TMTC1: variants seen among roughly 807,000 people sequenced by gnomAD.
TMTC1 encodes transmembrane O-mannosyltransferase targeting cadherins 1.
TMTC1 carries 73 observed loss-of-function variants against 104.8 expected under a neutral mutation model. The ratio of observed to expected loss-of-function variants is 0.70; its 90% CI spans 0.58 to 0.85. The LOEUF is 0.85. Ranked by LOEUF, TMTC1 falls within the 40% of genes least tolerant of loss-of-function variation. The pLI is 0.00. For missense variants in TMTC1, 1,035 were observed against 1,096.1 expected (o/e 0.94, Z 0.79); for synonymous variants, 434 against 428.7 (o/e 1.01, Z -0.15).
intron 5 of TMTC1, among the ~76,000 whole-genome samples, chr12:29,648,033 C>T (rs529219432): frequency 4.6e-5 from 7 of 152,272 alleles, no homozygotes; most frequent in Admixed American, 1.3e-4. Context: ...TTGTTTTTAT[C>T]CTTAATCCCA....
At chr12:29,566,019 C>T (rs1250813100) in intron 9 of TMTC1, among the ~76,000 whole-genome samples, 1 of 152,112 alleles carries the variant, frequency 6.6e-6, no homozygotes, top group Non-Finnish European at 1.5e-5. Context: ...ACACAATTAA[C>T]AAAACGATAG....
chr12:29,520,850 G>A, intron 11 of TMTC1, 130 bp from the exon 12 acceptor site: 1 of 668,796 alleles, frequency 1.5e-6, no homozygotes, highest in Non-Finnish European at 2.5e-6. Flanking sequence ...ACAGGCTACT[G>A]AGATAAGGCA....
chr12:29,671,029 T>TC (rs1940491255), intron 5 of TMTC1, among the ~76,000 whole-genome samples: 2 of 128,740 alleles, frequency 1.6e-5, no homozygotes, highest in Non-Finnish European at 3.2e-5. Context: ...CGCAGTGGCT[T>TC]ACGCCTGTAA....
chr12:29,689,942 T>C lies in TMTC1; in HGVS notation c.939-56606A>G, dbSNP rs969672887. Among the ~76,000 whole-genome samples, 6 of 152,328 alleles carry C rather than the reference T, an allele frequency of 3.9e-5. No individual in the cohort carries two copies. In the East Asian group the frequency reaches 5.8e-4, roughly 15 times the overall value. On this transcript the variant is annotated intron_variant, in intron 5 of 17. Transcript: ENST00000539277. Reference sequence around the variant, plus strand: ...TTCCTGATTATTACAAGGTAGATCATTGCATATTTGACCAAGCCCTGTTAC... The same window carrying C: ...TTCCTGATTATTACAAGGTAGATCACTGCATATTTGACCAAGCCCTGTTAC...
chr12:29,705,260 A>T (rs1434579164), intron 5 of TMTC1, among the ~76,000 whole-genome samples: 3 of 152,130 alleles, frequency 2.0e-5, no homozygotes, highest in Non-Finnish European at 4.4e-5. Flanking sequence ...AACTTGGGGA[A>T]CTCTTCTCTA....
At chr12:29,771,982 G>T (rs982544173) in intron 1 of TMTC1, among the ~76,000 whole-genome samples, 2 of 152,124 alleles carry the variant, frequency 1.3e-5, no homozygotes, top group Non-Finnish European at 1.5e-5. Context: ...TCAGATGAAT[G>T]AATAAACATG....
chr12:29,557,211 T>C (rs299480), intron 9 of TMTC1, among the ~76,000 whole-genome samples: 110,994 of 152,162 alleles, frequency 0.73, 45,131 homozygotes, highest in East Asian at 0.92. Flanking sequence ...TATAATTAAA[T>C]AATTCTTAAA....
chr12:29,765,590 A>G (rs1943444475), intron 2 of TMTC1, among the ~76,000 whole-genome samples: 1 of 152,144 alleles, frequency 6.6e-6, no homozygotes, highest in Non-Finnish European at 1.5e-5. Flanking sequence ...TTAAAATTTA[A>G]ATTTTGTATT....
At chr12:29,581,272 G>A (rs1945972401) in intron 8 of TMTC1, among the ~76,000 whole-genome samples, 1 of 152,166 alleles carries the variant, frequency 6.6e-6, no homozygotes, top group Non-Finnish European at 1.5e-5. Flanking sequence ...TTCTGGCCTT[G>A]AAGGAAAAAG....
intron 6 of TMTC1, chr12:29,609,921 C>T (rs976224710): frequency 2.0e-5 from 3 of 152,406 alleles, no homozygotes; most frequent in Admixed American, 1.3e-4. Flanking sequence ...AGTAGCCGGT[C>T]TCGCCTATCT....
intron 5 of TMTC1, among the ~76,000 whole-genome samples, chr12:29,643,825 ATATT>A (rs1480297097): frequency 5.5e-5 from 4 of 72,470 alleles, no homozygotes; most frequent in East Asian, 3.3e-4. Context: ...ATATATTTAT[ATATT>A]TATATATATT....
At chr12:29,547,416 G>T (rs1378992625) in intron 10 of TMTC1, among the ~76,000 whole-genome samples, 1 of 152,116 alleles carries the variant, frequency 6.6e-6, no homozygotes, top group Non-Finnish European at 1.5e-5. Context: ...AGGGGAGAGG[G>T]ACTCACAAAA....
chr12:29,762,679 T>C (rs184109207), intron 2 of TMTC1, among the ~76,000 whole-genome samples: 17 of 152,360 alleles, frequency 1.1e-4, no homozygotes, highest in Middle Eastern at 3.4e-3. Flanking sequence ...CTGAAAGCTA[T>C]TACCTGACGT....
At chr12:29,557,073 T>C in intron 9 of TMTC1, 73 bp from the exon 10 acceptor site, 1 of 1,547,362 alleles carries the variant, frequency 6.5e-7, no homozygotes, top group Non-Finnish European at 8.8e-7. Context: ...TTGTTCTTCT[T>C]CCCCCAAGTA....
chr12:29,740,857 C>A (rs1300330088), intron 5 of TMTC1, among the ~76,000 whole-genome samples: 1 of 152,168 alleles, frequency 6.6e-6, no homozygotes, highest in Middle Eastern at 3.4e-3. Context: ...CCCAGAGAGG[C>A]AAAAATATAA....
At chr12:29,761,110 TATAAC>T (rs1943339259) in intron 2 of TMTC1, among the ~76,000 whole-genome samples, 1 of 148,328 alleles carries the variant, frequency 6.7e-6, no homozygotes, top group Non-Finnish European at 1.5e-5. Context: ...TATATTGCAA[TATAAC>T]ATGTTTTCTT....
At chr12:29,732,300 A>G (rs1942564764) in intron 5 of TMTC1, among the ~76,000 whole-genome samples, 1 of 152,212 alleles carries the variant, frequency 6.6e-6, no homozygotes, top group Non-Finnish European at 1.5e-5. Flanking sequence ...GAAAAGGTGA[A>G]AGTACAGAGG....
intron 1 of TMTC1, among the ~76,000 whole-genome samples, chr12:29,776,893 T>C (rs1943721886): frequency 1.3e-5 from 2 of 152,152 alleles, no homozygotes; most frequent in South Asian, 2.1e-4. Flanking sequence ...AGGCCTTTGG[T>C]AGCAGTGGGT....
intron 5 of TMTC1, among the ~76,000 whole-genome samples, chr12:29,748,350 G>A (rs577584177): frequency 1.3e-4 from 20 of 152,306 alleles, no homozygotes; most frequent in African/African-American, 1.9e-4. Flanking sequence ...TGTGGAACCC[G>A]AGATGACTAC....
Sources: allele counts gnomAD v4.1 joint callset (sites outside exome capture counted in the v4.1 genomes callset), GRCh38; gene constraint gnomAD v4.1.1; transcripts MANE v1.5; gene names NCBI Gene and HGNC (gene_info 2026-07-23, HGNC 2026-07-21).